The following MYO16 variants were observed in gnomAD, a reference collection of about 807,000 sequenced individuals.
The protein encoded by MYO16 is unconventional myosin-XVI.
Under a neutral mutation model 205.3 loss-of-function variants are expected in MYO16, and 94 were observed. The ratio of observed to expected loss-of-function variants is 0.46; its 90% CI spans 0.39 to 0.54. MYO16 has a LOEUF of 0.54. Among genes scored for constraint, MYO16 ranks in the 20% least tolerant of loss-of-function variants. MYO16 has a pLI of 0.00. For missense variants in MYO16, 2,315 were observed against 2,387.5 expected, an observed-to-expected ratio of 0.97 and a Z score of 0.63; for synonymous variants, 988 against 954.0, an observed-to-expected ratio of 1.04 and a Z score of -0.66.
intron 13 of MYO16, among the ~76,000 whole-genome samples, chr13:108,886,797 C>T (rs1042649034): frequency 6.6e-6 from 1 of 152,156 alleles, no homozygotes; most frequent in Non-Finnish European, 1.5e-5. Context: ...CCTTCCCTGA[C>T]TGTCTGCCTG....
intron 34 of MYO16, among the ~76,000 whole-genome samples, chr13:109,186,086 A>C (rs185931057): frequency 1.5e-3 from 235 of 152,258 alleles, no homozygotes; most frequent in African/African-American, 5.4e-3. Context: ...GGATCACTTG[A>C]GCTCAGGAGA....
intron 28 of MYO16, among the ~76,000 whole-genome samples, chr13:109,115,706 T>A (rs1875645991): frequency 6.6e-6 from 1 of 152,198 alleles, no homozygotes; most frequent in South Asian, 2.1e-4. Flanking sequence ...AAATGGTCAA[T>A]AATTTTCTTT....
rs149477422 is a variant in MYO16, at chr13:108,787,801, C to T, written c.616+2058C>T. Among the ~76,000 whole-genome samples the T allele has an allele frequency of 4.9e-4, 74 of 152,330 alleles. 1 individual carries two copies. In the South Asian group the frequency reaches 9.1e-3, roughly 19 times the overall value. On this transcript the variant is annotated intron_variant, in intron 5 of 34. Coordinates refer to ENST00000457511, the MANE Select transcript of MYO16 (RefSeq NM_001198950.3). ...CTCTTAAATTTTTAATTCTGTTTGC[C>T]ATTTGTCACTGCAGTCGCTCTGGCC...
chr13:108,598,886 G>A (rs896111594), intron 1 of MYO16, among the ~76,000 whole-genome samples: 30 of 150,032 alleles, frequency 2.0e-4, no homozygotes, highest in African/African-American at 7.4e-4. Flanking sequence ...TAGGGTACAT[G>A]TGCACAATGT....
chr13:108,581,269 A>G, the MYO16 span, among the ~76,000 whole-genome samples: 1 of 152,230 alleles, frequency 6.6e-6, no homozygotes, highest in Non-Finnish European at 1.5e-5. Flanking sequence ...TTCTAAATGT[A>G]GAACCATATC....
Position 108,607,919 on chromosome 13 carries a change from C to T in MYO16, c.-39+11680C>T, listed in dbSNP as rs1401305377. Among the ~76,000 whole-genome samples, 5 of 152,188 alleles carry T rather than the reference C, an allele frequency of 3.3e-5. No individual in the cohort carries two copies. The East Asian group carries it at 9.6e-4, about 29-fold the overall frequency. On this transcript the variant is annotated intron_variant, in intron 1 of 24. Coordinates refer to the MYO16 transcript ENST00000251041. Reference sequence around the variant, plus strand: ...TCTCTTAGGGTTTCACCCCTCTCTTCTCTCTTGTTCCTGTTCTCTGATCCT... The same window carrying T: ...TCTCTTAGGGTTTCACCCCTCTCTTTTCTCTTGTTCCTGTTCTCTGATCCT...
chr13:108,622,829 G>T (rs771356005), intron 1 of MYO16, among the ~76,000 whole-genome samples: 1 of 152,018 alleles, frequency 6.6e-6, no homozygotes, highest in African/African-American at 2.4e-5. Context: ...CCTGGCACTG[G>T]TTTCCAAAGC....
chr13:109,154,113 A>C (rs1348058044), intron 32 of MYO16, among the ~76,000 whole-genome samples: 1 of 152,266 alleles, frequency 6.6e-6, no homozygotes, highest in African/African-American at 2.4e-5. Context: ...GAAGAATTTG[A>C]ATCTCCATAG....
intron 27 of MYO16, among the ~76,000 whole-genome samples, chr13:109,057,664 G>A (rs758399719): frequency 3.5e-4 from 53 of 152,228 alleles, no homozygotes; most frequent in Non-Finnish European, 6.8e-4. Flanking sequence ...ACATTTTATA[G>A]TGTGTGTATT....
At chr13:108,522,477 A>G in the MYO16 span, among the ~76,000 whole-genome samples, 1 of 152,180 alleles carries the variant, frequency 6.6e-6, no homozygotes, top group African/African-American at 2.4e-5. Context: ...TCCTAGGGCT[A>G]GCATGACAAA....
intron 12 of MYO16, among the ~76,000 whole-genome samples, chr13:108,871,025 A>G (rs1879025423): frequency 6.6e-6 from 1 of 152,168 alleles, no homozygotes; most frequent in African/African-American, 2.4e-5. Context: ...ATATAAACCG[A>G]ATTAATCTTC....
chr13:109,032,959 A>G (rs1255634147), intron 23 of MYO16, among the ~76,000 whole-genome samples: 1 of 152,204 alleles, frequency 6.6e-6, no homozygotes, highest in African/African-American at 2.4e-5. Context: ...AGAGAATTAC[A>G]TATAATTCTC....
At chr13:109,174,597 G>A (rs1297519682) in intron 33 of MYO16, among the ~76,000 whole-genome samples, 4 of 152,088 alleles carry the variant, frequency 2.6e-5, no homozygotes, top group Admixed American at 2.6e-4. Flanking sequence ...CTGGACAGAT[G>A]TAAAAAGAGA....
In MYO16 at chr13:108,871,521, T is replaced by G. The variant is rs1879065149; in HGVS notation, c.1425+5279T>G. On this transcript the variant is annotated intron_variant, in intron 12 of 34. Transcript: ENST00000457511. ...TTTTCCTCCTAGCAGGCACATAAGT[T>G]GTAGACAAACCGCCTTGACCTTGTG... Among the ~76,000 whole-genome samples the G allele has an allele frequency of 3.3e-5, 5 of 152,140 alleles. No homozygotes were observed. The South Asian group carries it at 1.0e-3, about 32-fold the overall frequency.
At chr13:108,930,717 A>T (rs1882220172) in intron 16 of MYO16, among the ~76,000 whole-genome samples, 1 of 152,170 alleles carries the variant, frequency 6.6e-6, no homozygotes, top group African/African-American at 2.4e-5. Flanking sequence ...CAACATAAGA[A>T]AAGAAATGAA....
intron 1 of MYO16, among the ~76,000 whole-genome samples, chr13:108,652,553 G>C (rs959192420): frequency 6.6e-6 from 1 of 152,100 alleles, no homozygotes; most frequent in Non-Finnish European, 1.5e-5. Flanking sequence ...CCCATTCAAC[G>C]TCAACTCTCA....
intron 25 of MYO16, chr13:109,054,218 A>G (rs1037261239): frequency 4.5e-6 from 1 of 223,798 alleles, no homozygotes; most frequent in Non-Finnish European, 9.4e-6. Context: ...TCATCATGTA[A>G]TCTTTTCTAC....
intron 4 of MYO16, among the ~76,000 whole-genome samples, chr13:108,754,459 T>C (rs1156323623): frequency 6.6e-6 from 1 of 152,158 alleles, no homozygotes; most frequent in South Asian, 2.1e-4. Context: ...AAAACTATAT[T>C]GACATACTGA....
chr13:108,689,268 G>A (rs9520962), intron 2 of MYO16, among the ~76,000 whole-genome samples: 73,897 of 151,724 alleles, frequency 0.49, 18,456 homozygotes, highest in East Asian at 0.64. Context: ...TTTTTAATAT[G>A]CCATTATTTT....
Sources: allele counts gnomAD v4.1 joint callset (sites outside exome capture counted in the v4.1 genomes callset), GRCh38; gene constraint gnomAD v4.1.1; transcripts MANE v1.5; gene names NCBI Gene and HGNC (gene_info 2026-07-23, HGNC 2026-07-21).